CADPS2: variants seen among roughly 807,000 people sequenced by gnomAD.
The protein encoded by CADPS2 is calcium dependent secretion activator 2, also known as calcium-dependent secretion activator 2.
CADPS2 carries 93 observed loss-of-function variants against 172.5 expected under a neutral mutation model. The ratio of observed to expected loss-of-function variants is 0.54; its 90% confidence interval spans 0.46 to 0.64. The LOEUF (loss-of-function observed/expected upper bound fraction) is 0.64, where lower values mean the gene tolerates loss of function less well. Ranked by LOEUF, CADPS2 falls within the 30% of genes least tolerant of loss-of-function variation. CADPS2 has a pLI of 0.00. For missense variants in CADPS2, 1,420 were observed against 1,565.9 expected (o/e 0.91, Z 1.57); for synonymous variants, 546 against 555.2 (o/e 0.98, Z 0.23).
chr7:122,469,124 T>C (rs2055559145), intron 14 of CADPS2, among the ~76,000 whole-genome samples: 1 of 152,198 alleles, frequency 6.6e-6, no homozygotes, highest in South Asian at 2.1e-4. Flanking sequence ...AGAATAAAAG[T>C]AACTATGGCA....
At chr7:122,408,896 TA>T (rs2046984068) in intron 19 of CADPS2, among the ~76,000 whole-genome samples, 1 of 152,146 alleles carries the variant, frequency 6.6e-6, no homozygotes, top group Admixed American at 6.5e-5. Context: ...AATCAGTAAC[TA>T]AAAAGATTGC....
rs144830260 is a variant in CADPS2, at chr7:122,355,758, T to C, written c.3504+5030A>G. On this transcript the variant is annotated intron_variant, in intron 27 of 29. Coordinates refer to ENST00000449022, the MANE Select transcript of CADPS2 (RefSeq NM_017954.11). ...CTCACATGGTGACAGAACATTACAG[T>C]TAAAAGAACTAATGCAGTTATGTAG... 3.2e-3 allele frequency among the ~76,000 whole-genome samples: 490 copies of C among 152,162 alleles called. 1 individual carries two copies. The highest frequency in any genetic ancestry group is 0.011 in the African/African-American group (465 of 41,512).
At chr7:122,623,116 G>T (rs1444561337) in intron 4 of CADPS2, among the ~76,000 whole-genome samples, 7 of 151,406 alleles carry the variant, frequency 4.6e-5, no homozygotes, top group East Asian at 1.9e-4. Context: ...CCCAAAGAAG[G>T]TTCTTAAATA....
chr7:122,525,682 T>C (rs1218323489), intron 8 of CADPS2, among the ~76,000 whole-genome samples: 1 of 152,036 alleles, frequency 6.6e-6, no homozygotes, highest in Non-Finnish European at 1.5e-5. Flanking sequence ...GGTAACAGAG[T>C]AGACTTACGT....
chr7:122,531,020 A>C (rs1008047773), intron 8 of CADPS2, among the ~76,000 whole-genome samples: 2 of 152,168 alleles, frequency 1.3e-5, no homozygotes, highest in African/African-American at 4.8e-5. Context: ...AACAACTAAG[A>C]GTTAAGTAGT....
chr7:122,320,119 A>G lies in CADPS2; in HGVS notation c.*46T>C. ...AAGGACAAGGTTAAAAAAATAAAAA[A>G]CAATGTCGATCAAGGTCTTCCTTCC... On this transcript the variant is annotated 3_prime_UTR_variant, in exon 30 of 30. Transcript: ENST00000449022. 6 of 1,458,886 alleles carry G rather than the reference A, an allele frequency of 4.1e-6. No individual in the cohort carries two copies. Among genetic ancestry groups the G allele is most frequent in the Non-Finnish European group, 4.6e-6 (5 of 1,098,224 alleles). The allele number at this position is 1,458,886 out of a possible 1,614,324, so 90.4% of individuals were successfully genotyped here.
At chr7:122,465,984 A>C (rs1280560441) in intron 14 of CADPS2, among the ~76,000 whole-genome samples, 1 of 152,210 alleles carries the variant, frequency 6.6e-6, no homozygotes, top group Non-Finnish European at 1.5e-5. Flanking sequence ...TCTACATACA[A>C]CATTACATAC....
At chr7:122,725,893 G>A (rs529206817) in intron 2 of CADPS2, among the ~76,000 whole-genome samples, 4 of 151,550 alleles carry the variant, frequency 2.6e-5, no homozygotes, top group African/African-American at 4.9e-5. Flanking sequence ...CCTGCAGGAC[G>A]CCTGGATGAC....
At position 122,388,720 on chromosome 7, in the gene CADPS2, T is replaced by A. The variant is rs778591650; in HGVS notation, c.3027A>T (p.Ser1009=). 1 of 1,608,058 alleles carries A rather than the reference T, an allele frequency of 6.2e-7. No homozygotes were observed. Among genetic ancestry groups the A allele is most frequent in the African/African-American group, 1.3e-5 (1 of 74,886 alleles). Residue 1009 remains serine, a synonymous_variant, in exon 23 of 30, where the codon TCA becomes TCT. Coordinates refer to ENST00000449022, the MANE Select transcript of CADPS2 (RefSeq NM_017954.11). ...CATCAAGCTTCCAAAAAAGGTCTTC[T>A]GATGTTGCTGAGCCATTGCTAGAAG... ...LYESTNGSAT[S]EDLFWKLDAL...
intron 6 of CADPS2, among the ~76,000 whole-genome samples, chr7:122,583,499 T>C (rs761168288): frequency 2.0e-5 from 3 of 151,854 alleles, no homozygotes; most frequent in Non-Finnish European, 4.4e-5. Context: ...GTGTGATAAC[T>C]GCTCTAGGTT....
intron 2 of CADPS2, chr7:122,702,652 G>T (rs561491164): frequency 3.7e-6 from 6 of 1,613,244 alleles, no homozygotes; most frequent in Non-Finnish European, 5.1e-6. Context: ...TGGCTTTTCC[G>T]TTTGAGTCAG....
intron 6 of CADPS2, among the ~76,000 whole-genome samples, chr7:122,609,210 A>C (rs1403251639): frequency 6.6e-6 from 1 of 152,152 alleles, no homozygotes; most frequent in Non-Finnish European, 1.5e-5. Context: ...GGAATAAAAG[A>C]CTAGTACATA....
intron 1 of CADPS2, among the ~76,000 whole-genome samples, chr7:122,784,791 G>A (rs577802080): frequency 6.6e-6 from 1 of 152,030 alleles, no homozygotes; most frequent in Non-Finnish European, 1.5e-5. Flanking sequence ...CTGGACATGG[G>A]TCTTTTCTCA....
At chr7:122,876,775 T>C (rs1441139414) in intron 1 of CADPS2, among the ~76,000 whole-genome samples, 1 of 152,066 alleles carries the variant, frequency 6.6e-6, no homozygotes, top group Non-Finnish European at 1.5e-5. Flanking sequence ...TATCTGAAAA[T>C]AGCCACTTTT....
At chr7:122,326,656 A>AGGCGGGTG (rs2033937591) in intron 28 of CADPS2, among the ~76,000 whole-genome samples, 1 of 152,082 alleles carries the variant, frequency 6.6e-6, no homozygotes, top group African/African-American at 2.4e-5. Flanking sequence ...TACGTTCTAA[A>AGGCGGGTG]GAATTTAAAC....
Position 122,886,086 on chromosome 7 carries a change from G to A in CADPS2, c.252C>T (p.Arg84=), listed in dbSNP as rs1824289968. The part of the protein sequence containing the change: ...QLDDEQERRI[R]LQLYVFVVRC... Reference sequence around the variant, plus strand: ...TCACGACGAAGACGTAGAGCTGCAGGCGGATCCTCCGCTCCTGCTCATCGT... The same window carrying A: ...TCACGACGAAGACGTAGAGCTGCAGACGGATCCTCCGCTCCTGCTCATCGT... The change falls in exon 1 of 30, where the codon CGC becomes CGT. Residue 84 remains arginine (R), a synonymous_variant. Transcript: ENST00000449022. 1.3e-6 allele frequency: 2 copies of A among 1,588,672 alleles called. No homozygotes were observed. Among genetic ancestry groups the A allele is most frequent in the Non-Finnish European group, 1.7e-6 (2 of 1,168,110 alleles).
At chr7:122,421,760 A>T (rs2048555058) in intron 17 of CADPS2, among the ~76,000 whole-genome samples, 1 of 152,264 alleles carries the variant, frequency 6.6e-6, no homozygotes, top group Admixed American at 6.5e-5. Context: ...GAGTGAATTA[A>T]ATGTAAGCAG....
At chr7:122,624,285 C>T (rs1197451654) in intron 4 of CADPS2, among the ~76,000 whole-genome samples, 1 of 152,190 alleles carries the variant, frequency 6.6e-6, no homozygotes, top group Non-Finnish European at 1.5e-5. Context: ...TCTTACAAGT[C>T]ATGTGTTCTA....
chr7:122,781,366 T>C (rs1246726127), intron 1 of CADPS2, among the ~76,000 whole-genome samples: 1 of 152,206 alleles, frequency 6.6e-6, no homozygotes, highest in Non-Finnish European at 1.5e-5. Context: ...TCTTCTGCCA[T>C]TCAAAAGACT....
Sources: allele counts gnomAD v4.1 joint callset (sites outside exome capture counted in the v4.1 genomes callset), GRCh38; gene constraint gnomAD v4.1.1; transcripts MANE v1.5; gene names NCBI Gene and HGNC (gene_info 2026-07-23, HGNC 2026-07-21).